WNT2: variants seen among roughly 807,000 people sequenced by gnomAD.
The protein encoded by WNT2 is protein Wnt-2.
Under a neutral mutation model 36.9 loss-of-function variants are expected in WNT2, and 12 were observed. The observed-to-expected ratio is 0.33, with a 90% CI of 0.21 to 0.53. The LOEUF (loss-of-function observed/expected upper bound fraction) is 0.53. WNT2 is among the 20% of genes least tolerant of loss of function. The probability of loss-of-function intolerance (pLI) is 0.95; values close to 1 mark genes in which losing one functional copy is unlikely to be tolerated. For missense variants in WNT2, 379 were observed against 473.1 expected, an observed-to-expected ratio of 0.80 and a Z score of 1.84; for synonymous variants, 163 against 174.6, an observed-to-expected ratio of 0.93 and a Z score of 0.52.
chr7:117,295,509 A>G (rs3779545), intron 4 of WNT2, among the ~76,000 whole-genome samples: 23,156 of 152,250 alleles, frequency 0.15, 2,372 homozygotes, highest in East Asian at 0.44. Context: ...AATATGGTCT[A>G]TATTTCATTG....
At chr7:117,286,006 C>G (rs550698941) in intron 4 of WNT2, among the ~76,000 whole-genome samples, 1 of 152,082 alleles carries the variant, frequency 6.6e-6, no homozygotes, top group Non-Finnish European at 1.5e-5. Context: ...CAGGCAAAGT[C>G]GTTAAGGTTT....
At position 117,278,242 on chromosome 7, in the gene WNT2, G is replaced by A. The variant is rs749111380; in HGVS notation, c.996C>T (p.Cys332=). Residue 332 remains cysteine, a synonymous_variant, in exon 5 of 5, where the codon TGC becomes TGT. Coordinates refer to ENST00000265441, the MANE Select transcript of WNT2 (RefSeq NM_003391.3). ...TKCGCKFHWC[C]AVRCQDCLEA... is the part of the protein sequence containing the mutation. ...CCAGGCAGTCCTGACAGCGCACGGC[G>A]CAGCACCAGTGGAACTTACACCCAC... is the stretch of plus-strand genomic sequence containing the variant. 31 of 1,614,092 alleles carry A rather than the reference G, an allele frequency of 1.9e-5. No individual in the cohort carries two copies. The highest frequency in any genetic ancestry group is 1.6e-4 in the Middle Eastern group (1 of 6,084).
chr7:117,297,598 T>A lies in WNT2; in HGVS notation c.853+14A>T. Reference sequence around the variant, plus strand: ...AAAGAATTAGGTACTATAAAGAAAGTCTTTTGAACTTACCTGCCTCTCGGT... The same window carrying A: ...AAAGAATTAGGTACTATAAAGAAAGACTTTTGAACTTACCTGCCTCTCGGT... On this transcript the variant is annotated intron_variant, in intron 4 of 4. Transcript: ENST00000265441. The A allele has an allele frequency of 5.6e-6, 9 of 1,597,664 alleles. No individual in the cohort carries two copies. Among genetic ancestry groups the A allele is most frequent in the Non-Finnish European group, 7.7e-6 (9 of 1,166,924 alleles).
chr7:117,322,893 G>T lies in WNT2; in HGVS notation c.83+14C>A. 6.2e-7 allele frequency: 1 copy of T among 1,613,208 alleles called. No individual in the cohort carries two copies. Among genetic ancestry groups the T allele is most frequent in the Non-Finnish European group, 8.5e-7 (1 of 1,179,710 alleles). On this transcript the variant is annotated intron_variant, in intron 1 of 4. Transcript: ENST00000265441. The surrounding 1 kb of genome is among the most constrained non-coding windows in gnomAD (Gnocchi z 5.4). The stretch of plus-strand genomic sequence containing the variant: ...GATCTCCAAAATCCCCCGCGCCCGT[G>T]CGCGTGGACTTACCACCATGAAGAG...
chr7:117,283,397 T>C (rs556726052), intron 4 of WNT2, among the ~76,000 whole-genome samples: 1 of 152,392 alleles, frequency 6.6e-6, no homozygotes, highest in South Asian at 2.1e-4. Context: ...TACCGTACCA[T>C]GCATTAGAAT....
At chr7:117,287,254 A>G (rs1220743882) in intron 4 of WNT2, among the ~76,000 whole-genome samples, 1 of 152,214 alleles carries the variant, frequency 6.6e-6, no homozygotes, top group Non-Finnish European at 1.5e-5. Flanking sequence ...CTGAGGCAGG[A>G]GAATCGCTTG....
chr7:117,310,418 A>C (rs1795098567), intron 3 of WNT2, among the ~76,000 whole-genome samples: 1 of 151,688 alleles, frequency 6.6e-6, no homozygotes, highest in Non-Finnish European at 1.5e-5. Flanking sequence ...ACAAACAAAC[A>C]AATAAGAAAC....
intron 3 of WNT2, among the ~76,000 whole-genome samples, chr7:117,300,528 G>A (rs1254813453): frequency 2.6e-5 from 4 of 152,090 alleles, no homozygotes; most frequent in African/African-American, 7.2e-5. Context: ...GTGGGGGCAC[G>A]GTGGCTTATG....
chr7:117,295,660 G>A (rs908878154), intron 4 of WNT2, among the ~76,000 whole-genome samples: 2 of 152,188 alleles, frequency 1.3e-5, no homozygotes, highest in Non-Finnish European at 1.5e-5. Context: ...TTTGAAATAA[G>A]GTTTTTGCTC....
chr7:117,314,942 G>C lies in WNT2; in HGVS notation c.588+129C>G, dbSNP rs895794427. 2.9e-6 allele frequency: 4 copies of C among 1,358,932 alleles called. No homozygotes were observed. The African/African-American group carries it at 5.8e-5, about 20-fold the overall frequency. The allele number at this position is 1,358,932 out of a possible 1,614,324, so 84.2% of individuals were successfully genotyped here. On this transcript the variant is annotated intron_variant, in intron 3 of 4. Transcript: ENST00000265441. ...TATTCTTCCGAACAAACAGCTAATG[G>C]CTGGGGGACAGTAGGAAGTTGTGAC...
In WNT2 at chr7:117,290,606, T is replaced by G. The variant is rs144156884; in HGVS notation, c.853+7006A>C. On this transcript the variant is annotated intron_variant, in intron 4 of 4. Coordinates refer to ENST00000265441, the MANE Select transcript of WNT2 (RefSeq NM_003391.3). ...GTCAAAGCAGAAGGAGATGAATAACTTATTCTTTACCTTGTCAAAATGACA... is the reference window on the plus strand; with the variant it reads ...GTCAAAGCAGAAGGAGATGAATAACGTATTCTTTACCTTGTCAAAATGACA... 2.0e-3 allele frequency among the ~76,000 whole-genome samples: 306 copies of G among 152,350 alleles called. 6 individuals are homozygous for G. Among genetic ancestry groups the G allele is most frequent in the Admixed American group, 0.015 (232 of 15,306 alleles).
intron 4 of WNT2, 147 bp from the exon 5 acceptor site, chr7:117,278,531 C>T (rs1794424169): frequency 1.3e-6 from 1 of 782,980 alleles, no homozygotes; most frequent in South Asian, 1.8e-5. Context: ...GTTCTGTGGG[C>T]CCATGCCATG....
chr7:117,305,522 C>G (rs958473636), intron 3 of WNT2, among the ~76,000 whole-genome samples: 1 of 152,100 alleles, frequency 6.6e-6, no homozygotes, highest in Non-Finnish European at 1.5e-5. Context: ...TTTCACGCTG[C>G]TGTATTGAAT....
intron 4 of WNT2, among the ~76,000 whole-genome samples, chr7:117,281,750 C>G (rs527313494): frequency 6.6e-6 from 1 of 152,144 alleles, no homozygotes; most frequent in Non-Finnish European, 1.5e-5. Flanking sequence ...GAGGGTGAAC[C>G]ACTAGAACTT....
At chr7:117,280,249 T>C (rs930990857) in intron 4 of WNT2, among the ~76,000 whole-genome samples, 1 of 152,172 alleles carries the variant, frequency 6.6e-6, no homozygotes, top group African/African-American at 2.4e-5. Context: ...GCAGCTCAGC[T>C]TGGATTCCAG....
At position 117,284,605 on chromosome 7, in the gene WNT2, A is replaced by G. The variant is rs954375469; in HGVS notation, c.854-6221T>C. On this transcript the variant is annotated intron_variant, in intron 4 of 4. Coordinates refer to ENST00000265441, the MANE Select transcript of WNT2 (RefSeq NM_003391.3). This position sits in a 1 kb window ranked among gnomAD's most constrained non-coding sequence, Gnocchi z 5.2. ...CACATTTTCCAAGCTGAATGGAGTG[A>G]AAGTTCATTCATCCTTTCTCACTTT... is the stretch of plus-strand genomic sequence containing the variant. 2.0e-5 allele frequency among the ~76,000 whole-genome samples: 3 copies of G among 152,200 alleles called. No homozygotes were observed. The highest frequency in any genetic ancestry group is 7.2e-5 in the African/African-American group (3 of 41,454).
intron 3 of WNT2, among the ~76,000 whole-genome samples, chr7:117,299,036 G>T (rs565506318): frequency 7.0e-6 from 1 of 143,014 alleles, no homozygotes; most frequent in Admixed American, 6.8e-5. Context: ...CACCCCTGGA[G>T]GGCAAGGATG....
chr7:117,319,000 T>C (rs1245780448), intron 2 of WNT2, among the ~76,000 whole-genome samples: 3 of 152,240 alleles, frequency 2.0e-5, no homozygotes, highest in Non-Finnish European at 1.5e-5. Context: ...GATATCTTAA[T>C]AGATCCAGAG....
At chr7:117,285,379 T>C (rs1455954445) in intron 4 of WNT2, among the ~76,000 whole-genome samples, 1 of 152,212 alleles carries the variant, frequency 6.6e-6, no homozygotes, top group Admixed American at 6.5e-5. Context: ...ATGTGGCCAA[T>C]GCTGAGGACA....
Sources: allele counts gnomAD v4.1 joint callset (sites outside exome capture counted in the v4.1 genomes callset), GRCh38; gene constraint gnomAD v4.1.1; non-coding constraint Gnocchi (gnomAD v3.1); transcripts MANE v1.5; gene names NCBI Gene and HGNC (gene_info 2026-07-23, HGNC 2026-07-21).